Variants in TUSC3 observed in about 807,000 individuals in gnomAD.
TUSC3 encodes the protein dolichyl-diphosphooligosaccharide--protein glycosyltransferase subunit TUSC3.
TUSC3 carries 45 observed loss-of-function variants against 44.8 expected under a neutral mutation model. The observed-to-expected ratio is 1.00, with a 90% CI of 0.79 to 1.29. The LOEUF (loss-of-function observed/expected upper bound fraction) is 1.29, where lower values mean the gene tolerates loss of function less well. Ranked by LOEUF, TUSC3 falls within the 50% of genes most tolerant of loss-of-function variation. The pLI, the probability that TUSC3 is intolerant of heterozygous loss-of-function variation, is 0.00. For missense variants in TUSC3, 519 were observed against 437.9 expected (o/e 1.19, Z -1.65); for synonymous variants, 212 against 152.9 (o/e 1.39, Z -2.85).
chr8:15,534,643 TAAAAAAA>T (rs11385742), intron 2 of TUSC3, among the ~76,000 whole-genome samples: 1 of 129,898 alleles, frequency 7.7e-6, no homozygotes, highest in Non-Finnish European at 1.6e-5. Context: ...ACTCGGTCTT[TAAAAAAA>T]AAAAAAAAAA....
At chr8:15,477,939 T>C (rs1800602748) in intron 1 of TUSC3, among the ~76,000 whole-genome samples, 1 of 152,098 alleles carries the variant, frequency 6.6e-6, no homozygotes, top group Admixed American at 6.6e-5. Context: ...AAATTTTCTT[T>C]TTTAAAAATT....
chr8:15,798,740 C>G, the TUSC3 span, among the ~76,000 whole-genome samples: 1 of 152,066 alleles, frequency 6.6e-6, no homozygotes, highest in African/African-American at 2.4e-5. Flanking sequence ...TTTGCATCCT[C>G]GGGCCAACTA....
chr8:15,527,969 C>G (rs1466407543), intron 2 of TUSC3, among the ~76,000 whole-genome samples: 1 of 152,042 alleles, frequency 6.6e-6, no homozygotes, highest in African/African-American at 2.4e-5. Flanking sequence ...ATTTGGTGTA[C>G]TTTAAATAGA....
At chr8:15,424,189 A>T (rs940384299) in intron 1 of TUSC3, among the ~76,000 whole-genome samples, 12 of 151,456 alleles carry the variant, frequency 7.9e-5, no homozygotes, top group African/African-American at 2.7e-4. Flanking sequence ...GGGTTTCACC[A>T]TGTTAGCCAG....
chr8:15,496,967 T>G (rs1037897340), intron 2 of TUSC3, among the ~76,000 whole-genome samples: 27 of 152,196 alleles, frequency 1.8e-4, no homozygotes, highest in Non-Finnish European at 2.6e-4. Context: ...GTTTTAGATA[T>G]TAGGAATACA....
At chr8:15,715,424 T>C (rs1323106465) in intron 6 of TUSC3, among the ~76,000 whole-genome samples, 3 of 152,134 alleles carry the variant, frequency 2.0e-5, no homozygotes, top group Non-Finnish European at 4.4e-5. Flanking sequence ...ACCTGATAAC[T>C]GAGCAACCCA....
intron 10 of TUSC3, among the ~76,000 whole-genome samples, chr8:15,760,483 G>A (rs959495398): frequency 6.6e-6 from 1 of 152,040 alleles, no homozygotes; most frequent in Non-Finnish European, 1.5e-5. Flanking sequence ...GTATCTTTCA[G>A]TACACCCTGT....
rs560788744 is a variant in TUSC3, at chr8:15,459,905, C to T, written n.92-23481C>T. On this transcript the variant is annotated intron_variant and non_coding_transcript_variant, in intron 1 of 5. Transcript: ENST00000503191. Reference sequence around the variant, plus strand: ...ATACATACATACATACATACATACACACATACCACAGTTTCTTTATCCACT... The same window carrying T: ...ATACATACATACATACATACATACATACATACCACAGTTTCTTTATCCACT... Among the ~76,000 whole-genome samples the T allele has an allele frequency of 1.1e-4, 16 of 148,800 alleles. No homozygotes were observed. The East Asian group carries it at 2.8e-3, about 26-fold the overall frequency.
rs1010308857 is a variant in TUSC3 at position 15,674,411 on chromosome 8, C to T, written c.798+575C>T. On this transcript the variant is annotated intron_variant, in intron 6 of 10. Coordinates refer to ENST00000503731, the MANE Select transcript of TUSC3 (RefSeq NM_006765.4). ...AATAGGAAATACTGTGATAAATCAA[C>T]ATAGAAACATACTGTCTTTGAGACA... Among the ~76,000 whole-genome samples the T allele has an allele frequency of 3.3e-5, 5 of 152,096 alleles. No homozygotes were observed. In the East Asian group the frequency reaches 9.7e-4, roughly 29 times the overall value.
At chr8:15,635,981 G>A (rs1806055883) in intron 2 of TUSC3, among the ~76,000 whole-genome samples, 1 of 152,152 alleles carries the variant, frequency 6.6e-6, no homozygotes, top group Non-Finnish European at 1.5e-5. Flanking sequence ...AAAGAGCGGT[G>A]TCTTTATCTC....
chr8:15,459,766 C>T (rs880002408), intron 1 of TUSC3, among the ~76,000 whole-genome samples: 1 of 151,950 alleles, frequency 6.6e-6, no homozygotes, highest in African/African-American at 2.4e-5. Context: ...TAATAATCTC[C>T]AATCTCATCC....
chr8:15,524,110 T>A (rs550555176), intron 2 of TUSC3, among the ~76,000 whole-genome samples: 49 of 151,908 alleles, frequency 3.2e-4, no homozygotes, highest in African/African-American at 1.1e-3. Flanking sequence ...TTGATTTAGA[T>A]GCATTTTTTT....
chr8:15,799,268 C>T, the TUSC3 span, among the ~76,000 whole-genome samples: 1 of 152,142 alleles, frequency 6.6e-6, no homozygotes, highest in African/African-American at 2.4e-5. Context: ...AGGGAACCAG[C>T]CAGCGCTCTA....
At chr8:15,837,679 C>T in the TUSC3 span, among the ~76,000 whole-genome samples, 1 of 152,146 alleles carries the variant, frequency 6.6e-6, no homozygotes, top group Non-Finnish European at 1.5e-5. Context: ...CTGACTTTCT[C>T]TGTCTTTGTT....
chr8:15,782,238 C>T, the TUSC3 span, among the ~76,000 whole-genome samples: 1 of 152,112 alleles, frequency 6.6e-6, no homozygotes, highest in Non-Finnish European at 1.5e-5. Context: ...TTTGGGATGC[C>T]AAGGCAGGAG....
intron 2 of TUSC3, among the ~76,000 whole-genome samples, chr8:15,639,232 G>A (rs1473706504): frequency 6.6e-6 from 1 of 150,882 alleles, no homozygotes; most frequent in Non-Finnish European, 1.5e-5. Context: ...ATCACGTGAT[G>A]TTCAGCGCTT....
chr8:15,713,784 C>G (rs1462572963), intron 6 of TUSC3, among the ~76,000 whole-genome samples: 1 of 152,090 alleles, frequency 6.6e-6, no homozygotes, highest in Non-Finnish European at 1.5e-5. Context: ...TAAAGACCCT[C>G]TCACCAAAGA....
At chr8:15,645,240 A>G (rs553157022) in intron 2 of TUSC3, among the ~76,000 whole-genome samples, 1 of 152,258 alleles carries the variant, frequency 6.6e-6, no homozygotes, top group East Asian at 1.9e-4. Context: ...GCTGGGTCCT[A>G]TTTATGTTTC....
At chr8:15,774,485 C>G in the TUSC3 span, among the ~76,000 whole-genome samples, 1 of 152,124 alleles carries the variant, frequency 6.6e-6, no homozygotes, top group East Asian at 1.9e-4. Flanking sequence ...TGCCAGCAAA[C>G]CAATAGCTAG....
Sources: gnomAD v4.1 joint callset for allele counts (sites outside exome capture counted in the v4.1 genomes callset) on GRCh38, gnomAD v4.1.1 for gene constraint, MANE v1.5 for transcripts, NCBI Gene and HGNC (gene_info 2026-07-23, HGNC 2026-07-21) for gene names.